Variants in ARHGAP21 observed in about 807,000 individuals in gnomAD.
ARHGAP21 encodes Rho GTPase activating protein 21.
A neutral mutation model predicts 164.6 loss-of-function variants in ARHGAP21; 38 were observed. That is an observed-to-expected ratio of 0.23 (90% CI 0.18 to 0.30). The LOEUF (loss-of-function observed/expected upper bound fraction) is 0.30. Among genes scored for constraint, ARHGAP21 ranks in the 10% least tolerant of loss-of-function variants. The pLI is 1.00. For missense variants in ARHGAP21, 1,822 were observed against 2,370.7 expected (o/e 0.77, Z 4.81); for synonymous variants, 766 against 857.9 (o/e 0.89, Z 1.87).
rs989009078 is a variant in ARHGAP21, at chr10:24,590,503, G to A, written c.4150+722C>T. 3 of 1,533,218 alleles carry A rather than the reference G, an allele frequency of 2.0e-6. No homozygotes were observed. The African/African-American group carries it at 4.1e-5, about 21-fold the overall frequency. 95.0% of individuals were successfully genotyped at this position (1,533,218 alleles called of 1,614,324 possible). On this transcript the variant is annotated intron_variant, in intron 24 of 25. Coordinates refer to ENST00000396432, the MANE Select transcript of ARHGAP21 (RefSeq NM_020824.4). ...GCCTGTTCAACATCAGTATAGATTT[G>A]CCTGTGTCAGTAAGAGCTGAAAAAA... is the stretch of plus-strand genomic sequence containing the variant.
At position 24,628,820 on chromosome 10, in the gene ARHGAP21, T is replaced by TATGTACATATATACATATATATAC. The variant is rs1554977416; in HGVS notation, c.495+1175_495+1176insGTATATATATGTATATATGTACAT. On this transcript the variant is annotated intron_variant, in intron 7 of 25. Coordinates refer to ENST00000396432, the MANE Select transcript of ARHGAP21 (RefSeq NM_020824.4). ...ACACATATATACATATATATACATA[T>TATGTACATATATACATATATATAC]ACACACATATATGTACATATATACA... 7.7e-5 allele frequency among the ~76,000 whole-genome samples: 11 copies of TATGTACATATATACATATATATAC among 142,718 alleles called. No individual in the cohort carries two copies. In the East Asian group the frequency reaches 2.2e-3, roughly 29 times the overall value. 93.6% of individuals were successfully genotyped at this position (142,718 alleles called of 152,430 possible).
At chr10:24,679,575 A>G (rs1841580229) in intron 2 of ARHGAP21, among the ~76,000 whole-genome samples, 1 of 152,218 alleles carries the variant, frequency 6.6e-6, no homozygotes, top group South Asian at 2.1e-4. Context: ...TTACATGCCC[A>G]CCAGCAGTGT....
At chr10:24,611,316 C>A (rs1008843190) in intron 9 of ARHGAP21, among the ~76,000 whole-genome samples, 40 of 152,216 alleles carry the variant, frequency 2.6e-4, no homozygotes, top group African/African-American at 9.4e-4. Context: ...AGAACAAAAA[C>A]TGTAGAAATC....
chr10:24,684,783 C>T (rs888062200), intron 2 of ARHGAP21, among the ~76,000 whole-genome samples: 1 of 152,122 alleles, frequency 6.6e-6, no homozygotes, highest in Non-Finnish European at 1.5e-5. Flanking sequence ...GGATTACAGG[C>T]GCCCGCCATC....
intron 11 of ARHGAP21, among the ~76,000 whole-genome samples, chr10:24,606,099 C>G (rs1433675242): frequency 1.3e-5 from 2 of 151,714 alleles, no homozygotes; most frequent in African/African-American, 4.8e-5. Flanking sequence ...CCAGATGAGT[C>G]AAAGTTTACA....
rs749819543 is a variant in ARHGAP21 at position 24,600,941 on chromosome 10, T to C, written c.2848-11A>G. ...ACTTCCACCAACTCGCTAGAAAACA[T>C]GCGACAGTTCTTTAATAGTCAATAT... On this transcript the variant is annotated splice_polypyrimidine_tract_variant and intron_variant, in intron 13 of 25. Coordinates refer to ENST00000396432, the MANE Select transcript of ARHGAP21 (RefSeq NM_020824.4). 1.2e-6 allele frequency: 2 copies of C among 1,607,290 alleles called. No individual in the cohort carries two copies. Among genetic ancestry groups the C allele is most frequent in the East Asian group, 2.2e-5 (1 of 44,708 alleles).
chr10:24,593,612 C>G (rs2076438592), intron 21 of ARHGAP21, among the ~76,000 whole-genome samples: 1 of 58,940 alleles, frequency 1.7e-5, no homozygotes, highest in Non-Finnish European at 4.5e-5. Flanking sequence ...CATAAAATAC[C>G]ATACCCCATC....
chr10:24,623,728 A>T (rs1284162954), intron 7 of ARHGAP21, among the ~76,000 whole-genome samples: 1 of 152,224 alleles, frequency 6.6e-6, no homozygotes, highest in Non-Finnish European at 1.5e-5. Flanking sequence ...CCTATGGTCA[A>T]TGATGTAGGG....
At chr10:24,596,354 G>A (rs2076580036) in intron 17 of ARHGAP21, 1 of 437,460 alleles carries the variant, frequency 2.3e-6, no homozygotes, top group East Asian at 3.8e-5. Context: ...AAGAGGAGGA[G>A]AGAGTAATAT....
intron 2 of ARHGAP21, among the ~76,000 whole-genome samples, chr10:24,702,875 C>T (rs1306532769): frequency 6.6e-6 from 1 of 152,098 alleles, no homozygotes; most frequent in Non-Finnish European, 1.5e-5. Flanking sequence ...GAAAATAATC[C>T]TGAACAGGAA....
chr10:24,653,649 G>A (rs916235305), intron 4 of ARHGAP21, among the ~76,000 whole-genome samples: 9 of 152,022 alleles, frequency 5.9e-5, no homozygotes, highest in Non-Finnish European at 1.2e-4. Context: ...TGAATTCCTG[G>A]GTTCAAGCAA....
At chr10:24,696,887 G>A (rs1843222521) in intron 2 of ARHGAP21, among the ~76,000 whole-genome samples, 1 of 152,244 alleles carries the variant, frequency 6.6e-6, no homozygotes, top group South Asian at 2.1e-4. Context: ...GCTGATGGAG[G>A]CAGTGCCAGT....
intron 2 of ARHGAP21, among the ~76,000 whole-genome samples, chr10:24,690,782 C>A (rs184621895): frequency 6.6e-6 from 1 of 150,854 alleles, no homozygotes; most frequent in African/African-American, 2.4e-5. Context: ...GAGCCGAGAT[C>A]GCGCCACTGC....
At chr10:24,596,116 G>T (rs866965312) in intron 17 of ARHGAP21, 73 bp from the exon 18 acceptor site, 18 of 1,282,282 alleles carry the variant, frequency 1.4e-5, no homozygotes, top group Non-Finnish European at 1.9e-5. Flanking sequence ...CAGCTAAAAT[G>T]CCCCTTTCAT....
chr10:24,591,590 CT>C, intron 23 of ARHGAP21, 51 bp downstream of exon 23: 4 of 1,597,154 alleles, frequency 2.5e-6, no homozygotes, highest in Non-Finnish European at 3.4e-6. Context: ...GCGCCAGGAT[CT>C]TGTGTCCCAA....
intron 4 of ARHGAP21, among the ~76,000 whole-genome samples, chr10:24,655,699 T>G (rs1173197131): frequency 2.7e-4 from 37 of 139,390 alleles, no homozygotes; most frequent in African/African-American, 8.2e-4. Flanking sequence ...GAGGAGCCCC[T>G]CTGCCTGGCT....
intron 12 of ARHGAP21, among the ~76,000 whole-genome samples, chr10:24,602,554 A>T (rs1439265707): frequency 6.6e-6 from 1 of 152,228 alleles, no homozygotes; most frequent in Non-Finnish European, 1.5e-5. Context: ...GAGAATGTAC[A>T]GCTACTGACT....
chr10:24,615,308 T>C (rs531926970), intron 9 of ARHGAP21, among the ~76,000 whole-genome samples: 2 of 152,232 alleles, frequency 1.3e-5, no homozygotes, highest in Non-Finnish European at 2.9e-5. Context: ...CATCTGGATA[T>C]GGCAGTGCCG....
chr10:24,692,915 T>G (rs1328252798), intron 2 of ARHGAP21, among the ~76,000 whole-genome samples: 2 of 151,792 alleles, frequency 1.3e-5, no homozygotes, highest in African/African-American at 2.4e-5. Context: ...ATAAACAAAT[T>G]TTTAGACAAT....
Sources: allele counts gnomAD v4.1 joint callset (sites outside exome capture counted in the v4.1 genomes callset), GRCh38; gene constraint gnomAD v4.1.1; transcripts MANE v1.5; gene names NCBI Gene and HGNC (gene_info 2026-07-23, HGNC 2026-07-21).